Variants in DOP1A observed in about 807,000 individuals in gnomAD.
DOP1A encodes the protein DOP1 leucine zipper like protein A, also known as protein DOP1A.
Under a neutral mutation model 267.6 loss-of-function variants are expected in DOP1A, and 90 were observed. That is an observed-to-expected ratio of 0.34 (90% CI 0.28 to 0.40). DOP1A has a LOEUF of 0.40. DOP1A is among the 10% of genes least tolerant of loss of function. The pLI is 1.00. For synonymous variants in DOP1A, 932 were observed against 999.1 expected (o/e 0.93, Z 1.27); for missense variants, 2,437 against 2,900.4 (o/e 0.84, Z 3.67).
rs769732148 is a variant in DOP1A, at chr6:83,109,034, A to G, written c.445A>G (p.Thr149Ala). Residue 149 changes from threonine to alanine, a missense_variant, in exon 5 of 39, where the codon ACT (threonine) becomes GCT (alanine). Physicochemically the swap from Thr to Ala is moderately conservative, Grantham distance 58 (BLOSUM62 0). Around this residue, in one of 9 missense-constraint regions of DOP1A, gnomAD observed 251 missense variants for 359.1 expected, o/e 0.70. Transcript: ENST00000349129. Reference protein sequence around the residue: ...TLKPGLQGLLTGILPGLEEGS... With the variant: ...TLKPGLQGLLAGILPGLEEGS... ...GAAACCTGGTCTACAGGGATTGCTT[A>G]CTGGTATTCTTCCTGGCTTAGAAGA... The G allele has an allele frequency of 6.2e-7, 1 of 1,613,656 alleles. No individual in the cohort carries two copies. Among genetic ancestry groups the G allele is most frequent in the Non-Finnish European group, 8.5e-7 (1 of 1,179,852 alleles).
chr6:83,149,019 GAA>G (rs551255497), intron 27 of DOP1A, among the ~76,000 whole-genome samples, 156 bp downstream of exon 27: 1 of 147,614 alleles, frequency 6.8e-6, no homozygotes, highest in African/African-American at 2.5e-5. Context: ...GCCTGTTTAA[GAA>G]AAAAAAAAGT....
At chr6:83,069,654 A>G (rs1330560404) in intron 1 of DOP1A, among the ~76,000 whole-genome samples, 2 of 152,164 alleles carry the variant, frequency 1.3e-5, no homozygotes, top group Non-Finnish European at 1.5e-5. Context: ...TTAATGATAC[A>G]CTTAAGTTCC....
In DOP1A at chr6:83,167,916, T is replaced by C; in HGVS notation, c.7147T>C (p.Leu2383=). 2 of 1,613,918 alleles carry C rather than the reference T, an allele frequency of 1.2e-6. No homozygotes were observed. The highest frequency in any genetic ancestry group is 1.7e-4 in the Middle Eastern group (1 of 6,058). ...GRTLGWEPGH[L]LLTICTVRSM... is the part of the protein sequence containing the mutation. ...AACATTGGGTTGGGAGCCAGGGCAC[T>C]TGCTGCTCACCATCTGCACCGTGCG... Residue 2383 remains leucine, a synonymous_variant, in exon 39 of 39, where the codon TTG becomes CTG. Transcript: ENST00000349129.
At chr6:83,116,061 T>C (rs972309979) in intron 7 of DOP1A, among the ~76,000 whole-genome samples, 3 of 152,244 alleles carry the variant, frequency 2.0e-5, no homozygotes, top group Non-Finnish European at 2.9e-5. Flanking sequence ...TTGTGATTTG[T>C]TCTTTTGGTT....
Position 83,128,843 on chromosome 6 carries a change from C to T in DOP1A, c.1720-44C>T, listed in dbSNP as rs1236502236. ...GGTCATTTCTAATTCCTAATATGTA[C>T]ACTTTGCTACTCAGCCTTTTGTTTT... is the stretch of plus-strand genomic sequence containing the variant. On this transcript the variant is annotated intron_variant, in intron 15 of 38. Coordinates refer to ENST00000349129, the MANE Select transcript of DOP1A (RefSeq NM_015018.4). 5 of 1,508,430 alleles carry T rather than the reference C, an allele frequency of 3.3e-6. No individual in the cohort carries two copies. The African/African-American group carries it at 5.6e-5, about 17-fold the overall frequency. 93.4% of individuals were successfully genotyped at this position (1,508,430 alleles called of 1,614,324 possible). A position where few individuals can be genotyped will look rare whatever the true frequency, so the allele number is the denominator to read the frequency against.
At chr6:83,105,916 A>G (rs1773532451) in intron 4 of DOP1A, among the ~76,000 whole-genome samples, 1 of 152,194 alleles carries the variant, frequency 6.6e-6, no homozygotes, top group East Asian at 1.9e-4. Flanking sequence ...TATTTTTATC[A>G]TTAGTATGTT....
chr6:83,072,656 C>G (rs1785814263), intron 1 of DOP1A, among the ~76,000 whole-genome samples: 1 of 152,142 alleles, frequency 6.6e-6, no homozygotes, highest in South Asian at 2.1e-4. Flanking sequence ...AAAAATACTG[C>G]AATCTTAGTC....
chr6:83,169,444 C>T, downstream of DOP1A: 1 of 1,185,144 alleles, frequency 8.4e-7, no homozygotes, highest in Non-Finnish European at 1.2e-6. Flanking sequence ...GTTTCACTAA[C>T]AAATTCTAAT....
At chr6:83,078,994 T>A (rs1340147560) in intron 1 of DOP1A, among the ~76,000 whole-genome samples, 1 of 152,150 alleles carries the variant, frequency 6.6e-6, no homozygotes, top group Non-Finnish European at 1.5e-5. Flanking sequence ...TGGGGGAAGG[T>A]CTGCTGTAGG....
chr6:83,151,720 G>C lies in DOP1A; in HGVS notation c.5904+61G>C, dbSNP rs144042985. 2.2e-5 allele frequency: 34 copies of C among 1,518,212 alleles called. No homozygotes were observed. The African/African-American group carries it at 2.9e-4, about 13-fold the overall frequency. 94.0% of individuals were successfully genotyped at this position (1,518,212 alleles called of 1,614,324 possible). ...CTCAGTGCCCTCAATTTGAAAATGAGAGAGTCAAATAAAATAAACTGAAGT... is the reference window on the plus strand; with the variant it reads ...CTCAGTGCCCTCAATTTGAAAATGACAGAGTCAAATAAAATAAACTGAAGT... On this transcript the variant is annotated intron_variant, in intron 28 of 38. Coordinates refer to ENST00000349129, the MANE Select transcript of DOP1A (RefSeq NM_015018.4).
intron 1 of DOP1A, among the ~76,000 whole-genome samples, chr6:83,086,925 G>GTTTAA (rs1346391765): frequency 3.3e-5 from 5 of 152,154 alleles, no homozygotes; most frequent in African/African-American, 1.2e-4. Flanking sequence ...TTTAGTTTTA[G>GTTTAA]TTTTAGTTTT....
rs1051966617 is a variant in DOP1A at position 83,140,108 on chromosome 6, C to T, written c.5229C>T (p.His1743=). 5 of 1,610,650 alleles carry T rather than the reference C, an allele frequency of 3.1e-6. No individual in the cohort carries two copies. The highest frequency in any genetic ancestry group is 4.2e-6 in the Non-Finnish European group (5 of 1,177,648). ...TGTTGGATCCAACTACACAGTATCACCAAGTAAGACTGCACAAATATTTGA... is the reference window on the plus strand; with the variant it reads ...TGTTGGATCCAACTACACAGTATCATCAAGTAAGACTGCACAAATATTTGA... ...YCLLDPTTQY[H]QLLVSVDQKH... The change falls in exon 22 of 39, where the codon CAC becomes CAT. Residue 1743 remains histidine, a synonymous_variant. Coordinates refer to ENST00000349129, the MANE Select transcript of DOP1A (RefSeq NM_015018.4).
chr6:83,166,591 G>C, intron 38 of DOP1A: 1 of 644,904 alleles, frequency 1.6e-6, no homozygotes, highest in Non-Finnish European at 2.5e-6. Context: ...TTAAAATGAT[G>C]TATAACATAA....
In DOP1A at chr6:83,139,108, A is replaced by G. The variant is rs1240601663; in HGVS notation, c.5066A>G (p.Asn1689Ser). ...VVSVTLQLCR[N>S]LDNLIQQYKY... is the part of the protein sequence containing the mutation. ...TCTGTGACACTACAACTGTGCAGAA[A>G]TTTAGATAATCTAATTCAGCAGTAC... Residue 1689 changes from asparagine (N) to serine (S), a missense_variant, in exon 21 of 39, where the codon AAT becomes AGT. This residue lies in a region of DOP1A where 307 missense variants were observed against 308.6 expected (regional missense o/e 0.99). Coordinates refer to ENST00000349129, the MANE Select transcript of DOP1A (RefSeq NM_015018.4). 1 of 1,613,872 alleles carries G rather than the reference A, an allele frequency of 6.2e-7. No homozygotes were observed. The highest frequency in any genetic ancestry group is 8.5e-7 in the Non-Finnish European group (1 of 1,179,894).
At chr6:83,143,435 A>G (rs1483281324) in intron 24 of DOP1A, among the ~76,000 whole-genome samples, 2 of 152,222 alleles carry the variant, frequency 1.3e-5, no homozygotes, top group Non-Finnish European at 2.9e-5. Flanking sequence ...TAGAGAGCCA[A>G]GGATTACCAG....
At chr6:83,117,119 T>TTTTATTTTATTTTATTTTATTTTA (rs1775571298) in intron 7 of DOP1A, among the ~76,000 whole-genome samples, 1 of 131,266 alleles carries the variant, frequency 7.6e-6, no homozygotes, top group African/African-American at 2.8e-5. Context: ...TTTTAGTACT[T>TTTTATTTTATTTTATTTTATTTTA]TTTTATTTTA....
intron 30 of DOP1A, among the ~76,000 whole-genome samples, chr6:83,152,970 T>A (rs1355653373): frequency 6.6e-6 from 1 of 152,196 alleles, no homozygotes; most frequent in Non-Finnish European, 1.5e-5. Flanking sequence ...ATTTTACAAT[T>A]TACCAAACAT....
chr6:83,167,159 A>G, intron 38 of DOP1A: 1 of 905,154 alleles, frequency 1.1e-6, no homozygotes, highest in African/African-American at 1.8e-5. Context: ...GTAGTTTTAG[A>G]CTGTCCCATT....
Position 83,125,545 on chromosome 6 carries a change from C to G in DOP1A, c.1531C>G (p.Leu511Val). Residue 511 changes from leucine to valine, a missense_variant, in exon 15 of 39, where the codon CTC becomes GTC. This residue lies in a region of DOP1A where 498 missense variants were observed against 513.5 expected (regional missense o/e 0.97). Coordinates refer to ENST00000349129, the MANE Select transcript of DOP1A (RefSeq NM_015018.4). ...IQTEHLPQLL[L>V]RMISALTSHL... is the part of the protein sequence containing the mutation. ...GACAGAACACTTGCCCCAGTTGCTG[C>G]TCAGAATGATTTCTGCCTTGACAAG... The G allele has an allele frequency of 6.2e-7, 1 of 1,613,694 alleles. No individual in the cohort carries two copies. The highest frequency in any genetic ancestry group is 8.5e-7 in the Non-Finnish European group (1 of 1,179,756).
Sources: gnomAD v4.1 joint callset for allele counts (sites outside exome capture counted in the v4.1 genomes callset) on GRCh38, gnomAD v4.1.1 for gene constraint, gnomAD v4.1.1 regional missense constraint, MANE v1.5 for transcripts, NCBI Gene and HGNC (gene_info 2026-07-23, HGNC 2026-07-21) for gene names.